Variants in SOX5 observed in about 807,000 individuals in gnomAD.
SOX5 encodes the protein transcription factor SOX-5.
In SOX5, 9 loss-of-function variants were observed where a neutral mutation model predicts 92.0. The observed-to-expected ratio is 0.10, with a 90% confidence interval of 0.06 to 0.17. The LOEUF is 0.17. Among genes scored for constraint, SOX5 ranks in the 10% least tolerant of loss-of-function variants. The pLI is 1.00. For missense variants in SOX5, 642 were observed against 944.5 expected (o/e 0.68, Z 4.20); for synonymous variants, 344 against 336.3 (o/e 1.02, Z -0.25).
intron 1 of SOX5, among the ~76,000 whole-genome samples, chr12:24,524,653 CA>C (rs1174303677): frequency 1.3e-5 from 2 of 151,986 alleles, no homozygotes; most frequent in Non-Finnish European, 2.9e-5. Flanking sequence ...CGGCTAGCAT[CA>C]AAAAACAAAG....
intron 4 of SOX5, among the ~76,000 whole-genome samples, chr12:24,188,520 C>G (rs953887170): frequency 6.6e-6 from 1 of 151,888 alleles, no homozygotes; most frequent in African/African-American, 2.4e-5. Flanking sequence ...TGAACTGAGT[C>G]TTAAAGGGTA....
In SOX5 at chr12:24,221,905, T is replaced by C. The variant is rs532982030; in HGVS notation, c.-76-8488A>G. On this transcript the variant is annotated intron_variant, in intron 3 of 4. Transcript: ENST00000446891. ...GTAAATAGCACGATGGCATACTGTATTTTCAGAGTGGCTGCAATGGAGTGA... is the reference window on the plus strand; with the variant it reads ...GTAAATAGCACGATGGCATACTGTACTTTCAGAGTGGCTGCAATGGAGTGA... 2.8e-3 allele frequency among the ~76,000 whole-genome samples: 420 copies of C among 152,300 alleles called. 2 individuals are homozygous for C. The highest frequency in any genetic ancestry group is 3.8e-3 in the Non-Finnish European group (256 of 68,026).
intron 6 of SOX5, among the ~76,000 whole-genome samples, chr12:23,706,374 C>T (rs1291061417): frequency 1.3e-5 from 2 of 151,934 alleles, no homozygotes; most frequent in Admixed American, 6.6e-5. Context: ...CAGTCAATTG[C>T]TGGATAAATT....
intron 1 of SOX5, among the ~76,000 whole-genome samples, chr12:24,392,930 G>A (rs1959146306): frequency 6.6e-6 from 1 of 152,220 alleles, no homozygotes; most frequent in African/African-American, 2.4e-5. Context: ...CTGGGCTTTA[G>A]GGCCCCCATG....
chr12:24,194,199 G>C (rs980649912), intron 4 of SOX5, among the ~76,000 whole-genome samples: 2 of 152,096 alleles, frequency 1.3e-5, no homozygotes, highest in African/African-American at 4.8e-5. Flanking sequence ...TATTCTTGTG[G>C]TCACCATTCA....
At chr12:24,560,403 T>G (rs192608183) in intron 1 of SOX5, among the ~76,000 whole-genome samples, 1 of 152,338 alleles carries the variant, frequency 6.6e-6, no homozygotes, top group African/African-American at 2.4e-5. Context: ...TTATCTTGTA[T>G]AGTTCTGAGG....
chr12:24,158,476 A>T (rs1952423463), intron 4 of SOX5, among the ~76,000 whole-genome samples: 1 of 151,948 alleles, frequency 6.6e-6, no homozygotes, highest in Non-Finnish European at 1.5e-5. Context: ...TCATCAATAC[A>T]TATTTGTAAC....
At chr12:23,926,477 G>A (rs905181600) in intron 1 of SOX5, among the ~76,000 whole-genome samples, 1 of 151,954 alleles carries the variant, frequency 6.6e-6, no homozygotes, top group South Asian at 2.1e-4. Context: ...ATGTTCCTGT[G>A]AGGACACCTG....
intron 7 of SOX5, among the ~76,000 whole-genome samples, chr12:23,644,565 T>A (rs1407074885): frequency 6.6e-6 from 1 of 152,202 alleles, no homozygotes; most frequent in Non-Finnish European, 1.5e-5. Flanking sequence ...CAGTAGCTAG[T>A]GAAAGTTGTG....
At chr12:24,375,554 G>C (rs955200282) in intron 1 of SOX5, among the ~76,000 whole-genome samples, 1 of 151,588 alleles carries the variant, frequency 6.6e-6, no homozygotes, top group Admixed American at 6.6e-5. Context: ...GGCCAACATG[G>C]TAAAACCCCA....
At chr12:24,063,497 G>A (rs1940123270) in intron 4 of SOX5, among the ~76,000 whole-genome samples, 1 of 152,160 alleles carries the variant, frequency 6.6e-6, no homozygotes, top group Admixed American at 6.5e-5. Flanking sequence ...TTATTTCCTA[G>A]TATTAATTCA....
At chr12:24,334,805 G>A (rs1595694763) in intron 2 of SOX5, among the ~76,000 whole-genome samples, 2 of 151,474 alleles carry the variant, frequency 1.3e-5, no homozygotes, top group Non-Finnish European at 2.9e-5. Context: ...TGACAACAAA[G>A]CATTAAAAGT....
chr12:23,589,998 T>G (rs187020407), intron 9 of SOX5, among the ~76,000 whole-genome samples: 203 of 152,036 alleles, frequency 1.3e-3, no homozygotes, highest in African/African-American at 4.7e-3. Flanking sequence ...GAGTATGTGT[T>G]TGTGCAGTGG....
intron 1 of SOX5, among the ~76,000 whole-genome samples, chr12:24,414,588 C>A (rs927902108): frequency 6.6e-6 from 1 of 152,192 alleles, no homozygotes; most frequent in Non-Finnish European, 1.5e-5. Context: ...CCAGAGACAG[C>A]CATCTGCCTG....
chr12:23,708,736 G>A (rs1470742645), intron 6 of SOX5, among the ~76,000 whole-genome samples: 2 of 152,074 alleles, frequency 1.3e-5, no homozygotes, highest in African/African-American at 4.8e-5. Context: ...ATCAATACAC[G>A]CACAACGTTA....
intron 1 of SOX5, among the ~76,000 whole-genome samples, chr12:24,422,936 G>A (rs77942078): frequency 0.012 from 1,771 of 152,240 alleles, 35 homozygotes; most frequent in African/African-American, 0.04. Flanking sequence ...GCCTGAGTCT[G>A]GAAGATCCAG....
intron 4 of SOX5, among the ~76,000 whole-genome samples, chr12:24,180,317 A>G (rs1395713163): frequency 6.6e-6 from 1 of 152,200 alleles, no homozygotes; most frequent in Non-Finnish European, 1.5e-5. Context: ...ACATAGCAAC[A>G]AACAGCCCAA....
chr12:24,256,468 G>A (rs908926650), intron 3 of SOX5, among the ~76,000 whole-genome samples: 5 of 152,082 alleles, frequency 3.3e-5, no homozygotes, highest in East Asian at 1.9e-4. Context: ...TTCTGCGACC[G>A]CCTTTTCCCG....
intron 4 of SOX5, among the ~76,000 whole-genome samples, chr12:23,996,396 G>A (rs757289004): frequency 4.6e-5 from 7 of 152,178 alleles, no homozygotes; most frequent in Non-Finnish European, 7.4e-5. Flanking sequence ...CGGTGGGAAT[G>A]TAAAATGATA....
Sources: allele counts gnomAD v4.1 joint callset (sites outside exome capture counted in the v4.1 genomes callset), GRCh38; gene constraint gnomAD v4.1.1; transcripts MANE v1.5; gene names NCBI Gene and HGNC (gene_info 2026-07-23, HGNC 2026-07-21).